Variants in TRIM36 observed in about 807,000 individuals in gnomAD.
The protein encoded by TRIM36 is tripartite motif containing 36.
A neutral mutation model predicts 72.4 loss-of-function variants in TRIM36; 42 were observed. The observed-to-expected ratio is 0.58, with a 90% confidence interval of 0.45 to 0.75. TRIM36 has a LOEUF of 0.75. Ranked by LOEUF, TRIM36 falls within the 30% of genes least tolerant of loss-of-function variation. TRIM36 has a pLI of 0.00. For synonymous variants in TRIM36, 315 were observed against 282.8 expected (o/e 1.11, Z -1.14); for missense variants, 913 against 857.1 (o/e 1.07, Z -0.81).
At chr5:115,152,543 A>C (rs962926637) in intron 2 of TRIM36, among the ~76,000 whole-genome samples, 3 of 152,208 alleles carry the variant, frequency 2.0e-5, no homozygotes, top group Non-Finnish European at 4.4e-5. Context: ...TTCATCGCAA[A>C]AAGATCACTG....
chr5:115,150,744 A>T (rs1474562563), intron 2 of TRIM36, among the ~76,000 whole-genome samples: 2 of 152,182 alleles, frequency 1.3e-5, no homozygotes, highest in East Asian at 3.9e-4. Flanking sequence ...GGAAAGGGAG[A>T]TTGTCTGCCC....
chr5:115,156,023 G>A (rs1392298353), intron 2 of TRIM36, among the ~76,000 whole-genome samples: 1 of 151,994 alleles, frequency 6.6e-6, no homozygotes, highest in Non-Finnish European at 1.5e-5. Flanking sequence ...ACCAAGCTGA[G>A]AATCAAATCA....
chr5:115,151,148 G>A (rs566376258), intron 2 of TRIM36, among the ~76,000 whole-genome samples: 1 of 152,292 alleles, frequency 6.6e-6, no homozygotes, highest in African/African-American at 2.4e-5. Flanking sequence ...TCTCAGCCCT[G>A]CTCACCCACT....
intron 2 of TRIM36, chr5:115,148,674 G>GCTGGGATTACAGGCGTGAGCCA (rs1753725503): frequency 6.6e-6 from 1 of 152,264 alleles, no homozygotes; most frequent in Non-Finnish European, 1.5e-5. Flanking sequence ...TTCCCAAAGT[G>GCTGGGATTACAGGCGTGAGCCA]CTGGGATTAC....
upstream of TRIM36, chr5:115,171,347 T>G (rs1447358419): frequency 7.4e-7 from 1 of 1,352,390 alleles, no homozygotes; most frequent in Non-Finnish European, 1.0e-6. Context: ...ATGCCTGGGC[T>G]GTTCTGATCC....
intron 5 of TRIM36, among the ~76,000 whole-genome samples, chr5:115,138,748 T>G (rs1399287613): frequency 1.3e-5 from 2 of 152,180 alleles, no homozygotes; most frequent in African/African-American, 2.4e-5. Flanking sequence ...TTGAGAAGAC[T>G]GGCAAACACT....
chr5:115,129,660 A>C (rs190090519), intron 9 of TRIM36, among the ~76,000 whole-genome samples: 2 of 152,348 alleles, frequency 1.3e-5, no homozygotes, highest in Admixed American at 1.3e-4. Flanking sequence ...AAGAGAAAAA[A>C]GCATGTTTCA....
At chr5:115,131,564 C>A (rs1752678087) in intron 8 of TRIM36, among the ~76,000 whole-genome samples, 1 of 152,090 alleles carries the variant, frequency 6.6e-6, no homozygotes, top group South Asian at 2.1e-4. Context: ...GGGGAAACAA[C>A]AGAAAGTCCA....
At chr5:115,143,719 G>A (rs1019844606) in intron 4 of TRIM36, among the ~76,000 whole-genome samples, 5 of 151,994 alleles carry the variant, frequency 3.3e-5, no homozygotes, top group Non-Finnish European at 7.4e-5. Context: ...ATGGGTAGTA[G>A]GTACATAGAT....
chr5:115,134,089 T>G lies in TRIM36; in HGVS notation c.1269A>C (p.Ile423=). 1 of 1,613,288 alleles carries G rather than the reference T, an allele frequency of 6.2e-7. No homozygotes were observed. The highest frequency in any genetic ancestry group is 8.5e-7 in the Non-Finnish European group (1 of 1,179,734). ...EQSKVYNNAL[I]NWHHPEKDKA... is the part of the protein sequence containing the mutation. ...TATCCTTTTCTGGATGGTGCCAATT[T>G]ATCAAGGCATTGTTATAAACTTTGC... is the stretch of plus-strand genomic sequence containing the variant. The change falls in exon 8 of 10, where the codon ATA becomes ATC. Residue 423 remains isoleucine, a synonymous_variant. Transcript: ENST00000513154.
At chr5:115,135,941 T>A (rs1752943899) in intron 7 of TRIM36, among the ~76,000 whole-genome samples, 1 of 152,096 alleles carries the variant, frequency 6.6e-6, no homozygotes, top group South Asian at 2.1e-4. Flanking sequence ...AAAGTAATTA[T>A]ACTATAAATA....
chr5:115,166,921 C>T (rs979765009), intron 1 of TRIM36, among the ~76,000 whole-genome samples: 10 of 152,222 alleles, frequency 6.6e-5, no homozygotes, highest in African/African-American at 1.9e-4. Context: ...CTGCCTGCCC[C>T]GCCACAGCCA....
intron 1 of TRIM36, chr5:115,179,938 G>C (rs370319241): frequency 6.2e-7 from 1 of 1,604,274 alleles, no homozygotes; most frequent in Non-Finnish European, 8.5e-7. Flanking sequence ...CCGGAGTCGG[G>C]GGCCCAGGCC....
intron 3 of TRIM36, among the ~76,000 whole-genome samples, chr5:115,145,580 G>A (rs1021820965): frequency 6.6e-6 from 1 of 152,120 alleles, no homozygotes; most frequent in African/African-American, 2.4e-5. Context: ...AGGCTAGAGT[G>A]CAGTGGTGCA....
At chr5:115,158,789 C>A (rs1490846813) in intron 2 of TRIM36, among the ~76,000 whole-genome samples, 5 of 152,218 alleles carry the variant, frequency 3.3e-5, no homozygotes, top group African/African-American at 9.6e-5. Context: ...CTGCTCCTAT[C>A]TTTCCTTCTA....
chr5:115,133,817 GC>G (rs1244906191), intron 8 of TRIM36, 42 bp downstream of exon 8: 1 of 1,519,142 alleles, frequency 6.6e-7, no homozygotes, highest in East Asian at 2.3e-5. Context: ...AAGGTCTCTT[GC>G]AACTAACTCT....
intron 9 of TRIM36, 110 bp from the exon 10 acceptor site, chr5:115,126,967 A>T: frequency 4.5e-6 from 5 of 1,107,176 alleles, no homozygotes; most frequent in Non-Finnish European, 5.0e-6. Context: ...TTTTTACATC[A>T]AAAGCTTTCT....
In TRIM36 at chr5:115,130,907, T is replaced by A. The variant is rs528384518; in HGVS notation, c.1499-18A>T. On this transcript the variant is annotated intron_variant, in intron 8 of 9. Transcript: ENST00000513154. ...GCTGAAAACTAAATGGAGCTTAAAA[T>A]TAATATCAGGCTAAAAATTATCATT... is the stretch of plus-strand genomic sequence containing the variant. 1.9e-6 allele frequency: 3 copies of A among 1,592,494 alleles called. No homozygotes were observed. In the African/African-American group the frequency reaches 4.0e-5, roughly 21 times the overall value.
chr5:115,171,250 ACT>A, upstream of TRIM36: 1 of 1,613,346 alleles, frequency 6.2e-7, no homozygotes, highest in Non-Finnish European at 8.5e-7. Context: ...AATTAAAAAC[ACT>A]GAGGGACTAT....
Sources: gnomAD v4.1 joint callset for allele counts (sites outside exome capture counted in the v4.1 genomes callset) on GRCh38, gnomAD v4.1.1 for gene constraint, MANE v1.5 for transcripts, NCBI Gene and HGNC (gene_info 2026-07-23, HGNC 2026-07-21) for gene names.